The following NAV2 variants were observed in gnomAD, a reference collection of about 807,000 sequenced individuals.
NAV2 encodes the protein neuron navigator 2.
NAV2 carries 54 observed loss-of-function variants against 223.2 expected under a neutral mutation model. The observed-to-expected ratio is 0.24, with a 90% CI of 0.19 to 0.30. The LOEUF is 0.30. Among genes scored for constraint, NAV2 ranks in the 10% least tolerant of loss-of-function variants. NAV2 has a pLI of 1.00. For synonymous variants in NAV2, 1,279 were observed against 1,239.3 expected (o/e 1.03, Z -0.67); for missense variants, 2,806 against 3,147.5 (o/e 0.89, Z 2.60).
rs1307196926 is a variant in NAV2, at chr11:19,933,913, A to C, written c.1669A>C (p.Met557Leu). The change falls in exon 7 of 38, where the codon ATG becomes CTG. Residue 557 changes from methionine to leucine, a missense_variant. Around this residue, in one of 4 missense-constraint regions of NAV2, gnomAD observed 1,167 missense variants for 1,180.5 expected, o/e 0.99. Coordinates refer to ENST00000349880, the MANE Select transcript of NAV2 (RefSeq NM_145117.5). The surrounding 1 kb of genome is among the most constrained non-coding windows in gnomAD (Gnocchi z 4.3). Reference sequence around the variant, plus strand: ...GCTCAACAGTGCCAAGAAGGAGCCCATGGCCCCTTCCCACAGTGGAATACC... The same window carrying C: ...GCTCAACAGTGCCAAGAAGGAGCCCCTGGCCCCTTCCCACAGTGGAATACC... ...GKLNSAKKEP[M>L]APSHSGIPKP... The C allele has an allele frequency of 6.3e-7, 1 of 1,588,630 alleles. No homozygotes were observed. The highest frequency in any genetic ancestry group is 8.5e-7 in the Non-Finnish European group (1 of 1,170,838).
intron 1 of NAV2, among the ~76,000 whole-genome samples, chr11:19,660,819 C>A (rs1474663335): frequency 6.6e-6 from 1 of 152,108 alleles, no homozygotes; most frequent in African/African-American, 2.4e-5. Flanking sequence ...GGAGAGTTGT[C>A]CTTCTAACTA....
At chr11:20,047,010 A>C (rs1488486436) in intron 14 of NAV2, among the ~76,000 whole-genome samples, 1 of 152,260 alleles carries the variant, frequency 6.6e-6, no homozygotes, top group Non-Finnish European at 1.5e-5. Flanking sequence ...CATGAAAGGT[A>C]TAATGAAGCA....
intron 1 of NAV2, among the ~76,000 whole-genome samples, chr11:19,616,213 G>A (rs2046784047): frequency 1.3e-5 from 2 of 151,796 alleles, no homozygotes; most frequent in Non-Finnish European, 2.9e-5. Context: ...AGAAGTCCAG[G>A]GCACACCATG....
chr11:19,688,464 G>A (rs1317722155), intron 1 of NAV2, among the ~76,000 whole-genome samples: 1 of 152,188 alleles, frequency 6.6e-6, no homozygotes, highest in Non-Finnish European at 1.5e-5. Context: ...AAAACCTGCA[G>A]CAAGCATCTT....
rs115230141 is a variant in NAV2 at position 19,466,522 on chromosome 11, G to A, written c.75+115495G>A. ...GCCTTTCTTGGAAATTGTCCCAGAC[G>A]ATGAATTGCTTGCATGATGCAGAGA... On this transcript the variant is annotated intron_variant, in intron 1 of 37. Coordinates refer to the NAV2 transcript ENST00000360655. Among the ~76,000 whole-genome samples the A allele has an allele frequency of 8.3e-3, 1,259 of 152,338 alleles. 21 individuals carry two copies. Among genetic ancestry groups the A allele is most frequent in the African/African-American group, 0.029 (1,194 of 41,574 alleles).
intron 1 of NAV2, among the ~76,000 whole-genome samples, chr11:19,765,575 C>T (rs1376700784): frequency 1.3e-5 from 2 of 152,160 alleles, no homozygotes; most frequent in Non-Finnish European, 2.9e-5. Context: ...GATCTGGCCC[C>T]TGGGTGGCAG....
chr11:19,825,873 TG>T (rs1352235946), intron 1 of NAV2, among the ~76,000 whole-genome samples: 3 of 152,260 alleles, frequency 2.0e-5, no homozygotes. Flanking sequence ...CTTAAAATTC[TG>T]TCAGGGGTAA....
intron 1 of NAV2, among the ~76,000 whole-genome samples, chr11:19,390,895 G>C (rs1466484741): frequency 6.6e-6 from 1 of 152,148 alleles, no homozygotes; most frequent in Non-Finnish European, 1.5e-5. Context: ...CAGGCAGTGT[G>C]CCTAGTTCTT....
intron 1 of NAV2, among the ~76,000 whole-genome samples, chr11:19,447,399 G>T (rs1851623992): frequency 1.3e-5 from 2 of 152,158 alleles, no homozygotes; most frequent in African/African-American, 4.8e-5. Context: ...TTCAGAGCCT[G>T]GGCTCTGGGG....
At chr11:19,897,904 A>ATCATT (rs1268441003) in intron 6 of NAV2, among the ~76,000 whole-genome samples, 1 of 147,678 alleles carries the variant, frequency 6.8e-6, no homozygotes, top group East Asian at 2.1e-4. Flanking sequence ...ATATATATAT[A>ATCATT]TGTGAGCAGA....
intron 1 of NAV2, among the ~76,000 whole-genome samples, chr11:19,826,895 A>T (rs1234622441): frequency 1.3e-5 from 2 of 152,182 alleles, no homozygotes; most frequent in Non-Finnish European, 2.9e-5. Flanking sequence ...GCGACCACTT[A>T]CCAGCCTCCT....
intron 1 of NAV2, among the ~76,000 whole-genome samples, chr11:19,535,204 G>A (rs2044149081): frequency 6.6e-6 from 1 of 152,182 alleles, no homozygotes; most frequent in African/African-American, 2.4e-5. Context: ...AGGGAAAACA[G>A]GAAGCTGCTG....
At chr11:19,464,919 G>A (rs996574091) in intron 1 of NAV2, among the ~76,000 whole-genome samples, 4 of 152,180 alleles carry the variant, frequency 2.6e-5, no homozygotes, top group African/African-American at 9.7e-5. Flanking sequence ...ACCCTGTTTA[G>A]TCTTTAATGG....
chr11:20,092,594 G>C (rs1244744636), intron 28 of NAV2, among the ~76,000 whole-genome samples: 1 of 152,122 alleles, frequency 6.6e-6, no homozygotes, highest in Non-Finnish European at 1.5e-5. Context: ...TCCAAGCCCT[G>C]AGCTTGGATC....
intron 2 of NAV2, among the ~76,000 whole-genome samples, chr11:19,834,248 T>C (rs2060110867): frequency 6.6e-6 from 1 of 152,234 alleles, no homozygotes; most frequent in Admixed American, 6.5e-5. Context: ...CAAAACCCTT[T>C]TGAAGTAGGT....
chr11:19,442,645 G>C (rs1851446239), intron 1 of NAV2, among the ~76,000 whole-genome samples: 1 of 152,226 alleles, frequency 6.6e-6, no homozygotes, highest in African/African-American at 2.4e-5. Context: ...AGCCTGCAGT[G>C]ATGTTGGGAG....
rs78357045 is a variant in NAV2, at chr11:20,037,917, C to T, written c.2907+1820C>T. ...CTGTCCTTAGATACTAAGGAAGGAA[C>T]CAAGGAATTGCTCACCCTGCATCTA... On this transcript the variant is annotated intron_variant, in intron 12 of 37. Coordinates refer to ENST00000349880, the MANE Select transcript of NAV2 (RefSeq NM_145117.5). Among the ~76,000 whole-genome samples, 210 of 13,734 alleles carry T rather than the reference C, an allele frequency of 0.015. 4 individuals are homozygous for T. In the East Asian group the frequency reaches 0.26, roughly 17 times the overall value. 9.0% of individuals were successfully genotyped at this position (13,734 alleles called of 152,430 possible).
chr11:19,634,126 C>G (rs1363650257), intron 1 of NAV2, among the ~76,000 whole-genome samples: 1 of 152,228 alleles, frequency 6.6e-6, no homozygotes, highest in Non-Finnish European at 1.5e-5. Context: ...CACTGACCAC[C>G]GTGGAGCAGG....
chr11:19,814,157 G>A (rs2058973252), intron 1 of NAV2, among the ~76,000 whole-genome samples: 2 of 152,126 alleles, frequency 1.3e-5, no homozygotes, highest in African/African-American at 2.4e-5. Context: ...ATAAACCAAA[G>A]GCCAAGCTGA....
Sources: allele counts gnomAD v4.1 joint callset (sites outside exome capture counted in the v4.1 genomes callset), GRCh38; gene constraint gnomAD v4.1.1; regional missense constraint gnomAD v4.1.1; non-coding constraint Gnocchi (gnomAD v3.1); transcripts MANE v1.5; gene names NCBI Gene and HGNC (gene_info 2026-07-23, HGNC 2026-07-21).